The following TMEM242 variants were observed in gnomAD, a reference collection of about 807,000 sequenced individuals.
TMEM242 encodes the protein transmembrane protein 242, also known as UPF0463 transmembrane protein C6orf35.
In TMEM242, 10 loss-of-function variants were observed where a neutral mutation model predicts 18.2. The observed-to-expected ratio is 0.55, with a 90% CI of 0.34 to 0.93. TMEM242 has a LOEUF of 0.93. Among genes scored for constraint, TMEM242 ranks in the 40% least tolerant of loss-of-function variants. The pLI, the probability that TMEM242 is intolerant of heterozygous loss-of-function variation, is 0.02. For missense variants in TMEM242, 186 were observed against 175.5 expected, an observed-to-expected ratio of 1.06 and a Z score of -0.34; for synonymous variants, 57 against 69.9, an observed-to-expected ratio of 0.81 and a Z score of 0.92.
intron 3 of TMEM242, among the ~76,000 whole-genome samples, chr6:157,309,567 T>C (rs1777964446): frequency 1.3e-5 from 2 of 152,098 alleles, no homozygotes; most frequent in African/African-American, 4.8e-5. Context: ...TTTTAAAATT[T>C]TTTTGTAAAA....
At chr6:157,295,985 C>T (rs926588536) in intron 3 of TMEM242, among the ~76,000 whole-genome samples, 4 of 152,190 alleles carry the variant, frequency 2.6e-5, no homozygotes, top group Non-Finnish European at 5.9e-5. Flanking sequence ...TCGTTTCCAC[C>T]TATATCAATT....
intron 2 of TMEM242, among the ~76,000 whole-genome samples, 171 bp from the exon 3 acceptor site, chr6:157,319,090 C>T (rs1235963344): frequency 3.9e-5 from 6 of 152,206 alleles, no homozygotes. Flanking sequence ...TTCTCTGACT[C>T]ACAGATATTT....
At chr6:157,300,191 C>T in intron 3 of TMEM242, 1 of 476,890 alleles carries the variant, frequency 2.1e-6, no homozygotes, top group South Asian at 2.1e-5. Context: ...CGTCGCAACG[C>T]CAAGAGAGCC....
At chr6:157,315,569 T>G (rs1489485793) in intron 3 of TMEM242, among the ~76,000 whole-genome samples, 1 of 152,202 alleles carries the variant, frequency 6.6e-6, no homozygotes, top group Non-Finnish European at 1.5e-5. Flanking sequence ...TCCCAGCACC[T>G]AACCCAATCC....
At chr6:157,320,217 A>G (rs1452820174) in intron 2 of TMEM242, among the ~76,000 whole-genome samples, 4 of 152,204 alleles carry the variant, frequency 2.6e-5, no homozygotes, top group Admixed American at 1.3e-4. Flanking sequence ...AGAACCATCT[A>G]AAACAGGGGT....
At chr6:157,300,098 GC>G in intron 3 of TMEM242, 1 of 671,928 alleles carries the variant, frequency 1.5e-6, no homozygotes, top group Non-Finnish European at 2.7e-6. Context: ...TCTCCGGCTG[GC>G]CTGCACAACA....
At chr6:157,316,638 G>T (rs1431883108) in intron 3 of TMEM242, among the ~76,000 whole-genome samples, 1 of 152,170 alleles carries the variant, frequency 6.6e-6, no homozygotes, top group African/African-American at 2.4e-5. Context: ...CACTTCGGGA[G>T]GCTGAGGCAG....
intron 3 of TMEM242, among the ~76,000 whole-genome samples, chr6:157,313,983 G>A (rs1583573442): frequency 6.6e-6 from 1 of 151,474 alleles, no homozygotes; most frequent in South Asian, 2.1e-4. Context: ...CCTCATCATA[G>A]TGCCCCAGTG....
intron 3 of TMEM242, among the ~76,000 whole-genome samples, chr6:157,306,872 CATG>C (rs1583560063): frequency 6.6e-6 from 1 of 152,120 alleles, no homozygotes; most frequent in South Asian, 2.1e-4. Context: ...GAAAAAGTTA[CATG>C]ATAAGTTATG....
In TMEM242 at chr6:157,305,932, C is replaced by T. The variant is rs150472606; in HGVS notation, c.327+12850G>A. On this transcript the variant is annotated intron_variant, in intron 3 of 3. Coordinates refer to ENST00000400788, the MANE Select transcript of TMEM242 (RefSeq NM_018452.6). This position sits in a 1 kb window ranked among gnomAD's most constrained non-coding sequence, Gnocchi z 4.1. Reference sequence around the variant, plus strand: ...AGGCAGTGACCACAGACAACTCTTTCGGGAAGCTTTTTGTGTAAAGGGGAG... The same window carrying T: ...AGGCAGTGACCACAGACAACTCTTTTGGGAAGCTTTTTGTGTAAAGGGGAG... Among the ~76,000 whole-genome samples, 1,066 of 152,196 alleles carry T rather than the reference C, an allele frequency of 7.0e-3. 14 individuals carry two copies. The highest frequency in any genetic ancestry group is 0.024 in the African/African-American group (1,012 of 41,518).
intron 3 of TMEM242, among the ~76,000 whole-genome samples, chr6:157,302,150 CTGG>C (rs1554247576): frequency 6.6e-6 from 1 of 152,182 alleles, no homozygotes; most frequent in Non-Finnish European, 1.5e-5. Context: ...CCTCTTAGCA[CTGG>C]TGGTCAGATT....
Position 157,313,426 on chromosome 6 carries a change from T to C in TMEM242, c.327+5356A>G, listed in dbSNP as rs1488073052. On this transcript the variant is annotated intron_variant, in intron 3 of 3. Coordinates refer to ENST00000400788, the MANE Select transcript of TMEM242 (RefSeq NM_018452.6). The stretch of plus-strand genomic sequence containing the variant: ...TTACAGTGTCCAGTGTGCGCTCACC[T>C]GGCCTCATCATAGTGCCCCAGTCTG... Among the ~76,000 whole-genome samples the C allele has an allele frequency of 1.9e-3, 121 of 64,356 alleles. 1 individual carries two copies. The highest frequency in any genetic ancestry group is 2.0e-3 in the Non-Finnish European group (61 of 30,828). 42.2% of individuals were successfully genotyped at this position (64,356 alleles called of 152,430 possible).
chr6:157,317,877 G>GTT (rs1554250484), intron 3 of TMEM242, among the ~76,000 whole-genome samples: 1 of 152,094 alleles, frequency 6.6e-6, no homozygotes, highest in African/African-American at 2.4e-5. Flanking sequence ...ATCGACATCT[G>GTT]TTTTCATCAA....
intron 1 of TMEM242, 46 bp downstream of exon 1, chr6:157,323,366 G>T: frequency 6.3e-7 from 1 of 1,597,414 alleles, no homozygotes; most frequent in Non-Finnish European, 8.6e-7. Flanking sequence ...CCAGGGTCCG[G>T]GGTTAACTCA....
chr6:157,315,207 T>A (rs1646734679), intron 3 of TMEM242, among the ~76,000 whole-genome samples: 1 of 152,226 alleles, frequency 6.6e-6, no homozygotes, highest in Admixed American at 6.5e-5. Flanking sequence ...TTGAGCTGAA[T>A]ATACCACATT....
chr6:157,297,945 TATCACATGC>T (rs1458461732), intron 3 of TMEM242, among the ~76,000 whole-genome samples: 2 of 152,234 alleles, frequency 1.3e-5, no homozygotes, highest in African/African-American at 4.8e-5. Context: ...ACTTTCACTG[TATCACATGC>T]ATAAAGTCCA....
At chr6:157,298,346 T>A (rs1412183863) in intron 3 of TMEM242, among the ~76,000 whole-genome samples, 5 of 152,214 alleles carry the variant, frequency 3.3e-5, no homozygotes, top group Admixed American at 6.5e-5. Context: ...CAAACAACAG[T>A]AACTATACCA....
Position 157,322,822 on chromosome 6 carries a change from G to A in TMEM242, c.89-17C>T. ...AAATTCCACCTGCCAAGAGTTTCGG[G>A]GAGGAGGGGGGATATTAAAAAAAAT... On this transcript the variant is annotated splice_polypyrimidine_tract_variant and intron_variant, in intron 1 of 3. Coordinates refer to ENST00000400788, the MANE Select transcript of TMEM242 (RefSeq NM_018452.6). 6.3e-7 allele frequency: 1 copy of A among 1,593,686 alleles called. No individual in the cohort carries two copies. The highest frequency in any genetic ancestry group is 8.6e-7 in the Non-Finnish European group (1 of 1,167,640).
chr6:157,316,236 TTAA>T (rs1778387889), intron 3 of TMEM242, among the ~76,000 whole-genome samples: 1 of 152,222 alleles, frequency 6.6e-6, no homozygotes, highest in Non-Finnish European at 1.5e-5. Flanking sequence ...TAAGTACTAC[TTAA>T]TAATCTGAAG....
Sources: allele counts gnomAD v4.1 joint callset (sites outside exome capture counted in the v4.1 genomes callset), GRCh38; gene constraint gnomAD v4.1.1; non-coding constraint Gnocchi (gnomAD v3.1); transcripts MANE v1.5; gene names NCBI Gene and HGNC (gene_info 2026-07-23, HGNC 2026-07-21).